The following QTMAN variants were observed in gnomAD, a reference collection of about 807,000 sequenced individuals.
QTMAN encodes the protein queuosine-tRNA mannosyltransferase.
the QTMAN span, among the ~76,000 whole-genome samples, chr2:144,289,029 CTTTT>C: frequency 8.6e-6 from 1 of 115,972 alleles, no homozygotes; most frequent in Non-Finnish European, 1.8e-5. Context: ...CAAGAAAATT[CTTTT>C]TTTTTTTTTT....
chr2:144,155,555 G>A, the QTMAN span, among the ~76,000 whole-genome samples: 4 of 152,100 alleles, frequency 2.6e-5, no homozygotes, highest in African/African-American at 9.7e-5. Context: ...TGCCACTCAT[G>A]AGTCTCTGGA....
the QTMAN span, among the ~76,000 whole-genome samples, chr2:144,071,194 GTT>G: frequency 7.2e-6 from 1 of 138,052 alleles, no homozygotes. Context: ...TACTGCCACT[GTT>G]TTTTTTTTTT....
chr2:144,023,917 C>G, the QTMAN span, among the ~76,000 whole-genome samples: 1 of 152,166 alleles, frequency 6.6e-6, no homozygotes, highest in South Asian at 2.1e-4. Context: ...CATGGGCTAT[C>G]TTAAAGTATA....
the QTMAN span, among the ~76,000 whole-genome samples, chr2:144,058,225 C>T: frequency 6.6e-6 from 1 of 150,640 alleles, no homozygotes; most frequent in African/African-American, 2.4e-5. Flanking sequence ...TTCCTCTTCC[C>T]CTGTCCAATC....
chr2:144,064,192 A>C, the QTMAN span, among the ~76,000 whole-genome samples: 2 of 152,240 alleles, frequency 1.3e-5, no homozygotes, highest in Admixed American at 6.5e-5. Flanking sequence ...AAATAAAAAC[A>C]GACACATTTT....
At chr2:144,109,206 A>C in the QTMAN span, among the ~76,000 whole-genome samples, 1 of 152,226 alleles carries the variant, frequency 6.6e-6, no homozygotes, top group African/African-American at 2.4e-5. Context: ...GAAATAGACC[A>C]ATGTAATAGA....
At chr2:144,033,688 C>T in the QTMAN span, among the ~76,000 whole-genome samples, 1 of 152,148 alleles carries the variant, frequency 6.6e-6, no homozygotes, top group East Asian at 1.9e-4. Flanking sequence ...AGTTCCAACC[C>T]TCTAATCACA....
At chr2:144,329,646 A>G in the QTMAN span, among the ~76,000 whole-genome samples, 5 of 152,322 alleles carry the variant, frequency 3.3e-5, no homozygotes, top group Admixed American at 6.5e-5. Flanking sequence ...AGTGACTAAC[A>G]TAAGTTACAG....
chr2:144,060,205 A>G, the QTMAN span, among the ~76,000 whole-genome samples: 1 of 152,078 alleles, frequency 6.6e-6, no homozygotes, highest in Non-Finnish European at 1.5e-5. Context: ...CAGATTATGT[A>G]GGTTAACCTA....
At chr2:144,156,964 G>C in the QTMAN span, among the ~76,000 whole-genome samples, 4 of 152,088 alleles carry the variant, frequency 2.6e-5, no homozygotes, top group East Asian at 7.7e-4. Context: ...CCCCACGTTA[G>C]CCAGTAAGAG....
At chr2:144,287,404 A>T in the QTMAN span, among the ~76,000 whole-genome samples, 1 of 150,298 alleles carries the variant, frequency 6.7e-6, no homozygotes, top group Non-Finnish European at 1.5e-5. Context: ...GCGCCACTGC[A>T]CTCCAGCCTG....
chr2:144,232,279 T>C, the QTMAN span, among the ~76,000 whole-genome samples: 1 of 152,214 alleles, frequency 6.6e-6, no homozygotes, highest in Non-Finnish European at 1.5e-5. Context: ...GGTGAGTTTA[T>C]TTAATGCATA....
chr2:143,967,529 C>T, the QTMAN span, among the ~76,000 whole-genome samples: 16 of 152,030 alleles, frequency 1.1e-4, no homozygotes, highest in African/African-American at 3.6e-4. Flanking sequence ...TGGGGTTTCA[C>T]CATGTTGGCC....
chr2:144,188,549 GGACT>G, the QTMAN span, among the ~76,000 whole-genome samples: 2 of 146,546 alleles, frequency 1.4e-5, no homozygotes, highest in African/African-American at 5.1e-5. Flanking sequence ...ATGGATGGAT[GGACT>G]GATGGAAGGA....
chr2:144,169,134 C>T, the QTMAN span, among the ~76,000 whole-genome samples: 2 of 152,186 alleles, frequency 1.3e-5, no homozygotes, highest in South Asian at 2.1e-4. Flanking sequence ...ATGTAAGCTA[C>T]ACATTATAAT....
At chr2:143,993,558 A>G in the QTMAN span, among the ~76,000 whole-genome samples, 1 of 152,170 alleles carries the variant, frequency 6.6e-6, no homozygotes, top group Non-Finnish European at 1.5e-5. Context: ...AAGAGGAGAA[A>G]GCAATGTGAC....
chr2:144,331,914 C>A, the QTMAN span, among the ~76,000 whole-genome samples: 15 of 152,162 alleles, frequency 9.9e-5, no homozygotes, highest in Admixed American at 9.8e-4. Context: ...CGAAGCTTTC[C>A]GTCAGGAAGG....
chr2:144,276,207 T>C, the QTMAN span, among the ~76,000 whole-genome samples: 1 of 151,668 alleles, frequency 6.6e-6, no homozygotes, highest in Non-Finnish European at 1.5e-5. Flanking sequence ...AAAATTCTGG[T>C]TTTTTTTAAA....
the QTMAN span, chr2:144,141,787 C>T: frequency 3.3e-6 from 3 of 900,302 alleles, no homozygotes; most frequent in Non-Finnish European, 5.2e-6. Context: ...CATACTTATG[C>T]TAAAAAGTTA....
Sources: gnomAD v4.1 joint callset for allele counts (sites outside exome capture counted in the v4.1 genomes callset) on GRCh38, gnomAD v4.1.1 for gene constraint, MANE v1.5 for transcripts, NCBI Gene and HGNC (gene_info 2026-07-23, HGNC 2026-07-21) for gene names.